ZFP2: variants seen among roughly 807,000 people sequenced by gnomAD.
ZFP2 encodes the protein ZFP2 zinc finger protein, also known as zinc finger protein ZFP2.
In ZFP2, 33 loss-of-function variants were observed where a neutral mutation model predicts 36.1. The observed-to-expected ratio is 0.92, with a 90% CI of 0.69 to 1.22. ZFP2 has a LOEUF of 1.22. Ranked by LOEUF, ZFP2 falls within the 50% of genes most tolerant of loss-of-function variation. The probability of loss-of-function intolerance (pLI) is 0.00; values close to 1 mark genes in which losing one functional copy is unlikely to be tolerated. For missense variants in ZFP2, 522 were observed against 551.4 expected (o/e 0.95, Z 0.53); for synonymous variants, 170 against 178.0 (o/e 0.96, Z 0.36).
chr5:178,928,699 A>G (rs1758749509), intron 4 of ZFP2, among the ~76,000 whole-genome samples: 2 of 152,266 alleles, frequency 1.3e-5, no homozygotes, highest in South Asian at 4.1e-4. Flanking sequence ...TGGCTTTTCC[A>G]CATGCAGGGT....
intron 1 of ZFP2, chr5:178,910,413 G>T (rs1187391987): frequency 1.2e-6 from 1 of 833,490 alleles, no homozygotes; most frequent in Non-Finnish European, 2.1e-6. Flanking sequence ...TGAGGATGTT[G>T]GCAGCTGGCA....
chr5:178,932,792 G>C lies in ZFP2; in HGVS notation c.*93G>C. 1.4e-6 allele frequency: 2 copies of C among 1,443,506 alleles called. No homozygotes were observed. The highest frequency in any genetic ancestry group is 1.8e-6 in the Non-Finnish European group (2 of 1,082,586). The allele number at this position is 1,443,506 out of a possible 1,614,324, so 89.4% of individuals were successfully genotyped here. A position where few individuals can be genotyped will look rare whatever the true frequency, so the allele number is the denominator to read the frequency against. On this transcript the variant is annotated 3_prime_UTR_variant, in exon 5 of 5. Transcript: ENST00000361362. ...TAGAAACCTAATAAATGTAATGATT[G>C]TGGGAATCTTTCAGTTGAAGTACAA...
Position 178,932,127 on chromosome 5 carries a change from T to C in ZFP2, c.814T>C (p.Cys272Arg). The part of the protein sequence containing the change: ...RSHTGEKPYE[C>R]SQCGKAFSKS... ...CCATACTGGAGAAAAACCCTATGAG[T>C]GTAGTCAATGTGGAAAAGCCTTTAG... Residue 272 changes from cysteine (C) to arginine (R), a missense_variant, in exon 5 of 5, where the codon TGT (cysteine) becomes CGT (arginine). By Grantham distance (180) the Cys-to-Arg change is radical. Coordinates refer to ENST00000361362, the MANE Select transcript of ZFP2 (RefSeq NM_030613.4). 1 of 1,612,712 alleles carries C rather than the reference T, an allele frequency of 6.2e-7. No homozygotes were observed. Among genetic ancestry groups the C allele is most frequent in the Non-Finnish European group, 8.5e-7 (1 of 1,179,020 alleles).
chr5:178,930,165 A>G (rs550736899), intron 4 of ZFP2, among the ~76,000 whole-genome samples: 12 of 151,770 alleles, frequency 7.9e-5, no homozygotes, highest in African/African-American at 2.9e-4. Flanking sequence ...ATAAGGCCCC[A>G]CCTCCAACAC....
At chr5:178,910,243 G>C in intron 1 of ZFP2, 1 of 1,574,718 alleles carries the variant, frequency 6.4e-7, no homozygotes, top group Non-Finnish European at 8.7e-7. Context: ...AGCAGCACTC[G>C]GAATTCTGTG....
At position 178,931,498 on chromosome 5, in the gene ZFP2, A is replaced by C. The variant is rs1210273509; in HGVS notation, c.185A>C (p.Asp62Ala). 1.2e-6 allele frequency: 2 copies of C among 1,614,106 alleles called. No homozygotes were observed. Among genetic ancestry groups the C allele is most frequent in the Admixed American group, 3.3e-5 (2 of 60,016 alleles). Reference protein sequence around the residue: ...ERCSSQDSILDTQQSIPMVKR... With the variant: ...ERCSSQDSILATQQSIPMVKR... The stretch of plus-strand genomic sequence containing the variant: ...TGTTCCAGTCAGGATTCAATCCTTG[A>C]TACACAGCAAAGCATTCCTATGGTA... The change falls in exon 5 of 5, where the codon GAT (aspartate) becomes GCT (alanine). Residue 62 changes from aspartate (D) to alanine (A), a missense_variant. Asp to Ala is a moderately radical substitution (Grantham distance 126, BLOSUM62 -2). Coordinates refer to ENST00000361362, the MANE Select transcript of ZFP2 (RefSeq NM_030613.4).
Position 178,932,642 on chromosome 5 carries a change from C to T in ZFP2, c.1329C>T (p.Cys443=), listed in dbSNP as rs77723700. 1.8e-3 allele frequency: 2,938 copies of T among 1,612,702 alleles called. 44 individuals are homozygous for T. The African/African-American group carries it at 0.034, about 19-fold the overall frequency. Residue 443 remains cysteine, a synonymous_variant, in exon 5 of 5, where the codon TGC becomes TGT. Coordinates refer to ENST00000361362, the MANE Select transcript of ZFP2 (RefSeq NM_030613.4). ...TGEKPYQCNE[C]GKAFSRSTNL... ...AGAAACCCTATCAGTGTAATGAATG[C>T]GGAAAAGCCTTCAGCCGGAGTACAA...
intron 1 of ZFP2, among the ~76,000 whole-genome samples, chr5:178,897,748 A>G (rs937230151): frequency 1.3e-5 from 2 of 152,188 alleles, no homozygotes; most frequent in African/African-American, 4.8e-5. Context: ...CGGCTATAAC[A>G]TCCATGATTG....
chr5:178,909,945 T>G, intron 1 of ZFP2: 1 of 1,427,464 alleles, frequency 7.0e-7, no homozygotes, highest in Non-Finnish European at 9.9e-7. Context: ...TGTTAGGAAG[T>G]TCAGCCATTG....
At chr5:178,909,759 C>G (rs901953444) in intron 1 of ZFP2, 2 of 1,569,674 alleles carry the variant, frequency 1.3e-6, no homozygotes, top group African/African-American at 2.7e-5. Context: ...GAGTGCACCT[C>G]TCCCTTCCTC....
intron 4 of ZFP2, 73 bp from the exon 5 acceptor site, chr5:178,931,164 A>C (rs1441168986): frequency 2.8e-6 from 4 of 1,406,180 alleles, no homozygotes; most frequent in Non-Finnish European, 3.7e-6. Context: ...TAATTCTCTC[A>C]TTCCTACCTT....
At chr5:178,902,173 C>G (rs1054632878) in intron 1 of ZFP2, among the ~76,000 whole-genome samples, 7 of 152,122 alleles carry the variant, frequency 4.6e-5, no homozygotes, top group Non-Finnish European at 7.4e-5. Flanking sequence ...TAGTCTTCAT[C>G]TAAATTAACA....
chr5:178,911,456 G>A (rs1399793663), intron 1 of ZFP2, among the ~76,000 whole-genome samples: 1 of 152,132 alleles, frequency 6.6e-6, no homozygotes, highest in African/African-American at 2.4e-5. Flanking sequence ...CCCTGAGACA[G>A]CAAGACCAAC....
At chr5:178,896,680 C>T (rs989067360) in intron 1 of ZFP2, among the ~76,000 whole-genome samples, 1 of 152,324 alleles carries the variant, frequency 6.6e-6, no homozygotes, top group African/African-American at 2.4e-5. Context: ...CATTCAAAAT[C>T]TATCTCCATC....
At position 178,931,467 on chromosome 5, in the gene ZFP2, G is replaced by C; in HGVS notation, c.154G>C (p.Glu52Gln). 3.7e-6 allele frequency: 6 copies of C among 1,614,158 alleles called. No individual in the cohort carries two copies. The highest frequency in any genetic ancestry group is 5.1e-6 in the Non-Finnish European group (6 of 1,180,024). ...GAGAGTATGTGGAGGTAATGAATTTGAAAGATGTTCCAGTCAGGATTCAAT... is the reference window on the plus strand; with the variant it reads ...GAGAGTATGTGGAGGTAATGAATTTCAAAGATGTTCCAGTCAGGATTCAAT... ...EMRVCGGNEF[E>Q]RCSSQDSILD... Residue 52 changes from glutamate (E) to glutamine (Q), a missense_variant, in exon 5 of 5, where the codon GAA becomes CAA. Physicochemically the swap from Glu to Gln is conservative, Grantham distance 29. Coordinates refer to ENST00000361362, the MANE Select transcript of ZFP2 (RefSeq NM_030613.4).
chr5:178,928,061 C>T (rs529889916), intron 4 of ZFP2, among the ~76,000 whole-genome samples: 27 of 151,806 alleles, frequency 1.8e-4, no homozygotes, highest in African/African-American at 5.6e-4. Flanking sequence ...TGAGAACTCA[C>T]TCATGATAGG....
At chr5:178,917,360 A>G (rs1336742635) in intron 4 of ZFP2, among the ~76,000 whole-genome samples, 1 of 152,132 alleles carries the variant, frequency 6.6e-6, no homozygotes, top group Non-Finnish European at 1.5e-5. Flanking sequence ...CACACCTGTA[A>G]TCCCAGCATT....
intron 1 of ZFP2, among the ~76,000 whole-genome samples, chr5:178,897,878 A>G (rs962079917): frequency 6.6e-6 from 1 of 152,146 alleles, no homozygotes; most frequent in African/African-American, 2.4e-5. Context: ...TTGTGTTCCA[A>G]TTCTTGTAGC....
rs1293510524 is a variant in ZFP2, at chr5:178,932,218, A to G, written c.905A>G (p.Lys302Arg). Residue 302 changes from lysine (K) to arginine (R), a missense_variant, in exon 5 of 5, where the codon AAA becomes AGA. Transcript: ENST00000361362. ...GGAGAAAAACCTTACAAATGTAACA[A>G]ATGCGGGAAATCCTTTAGCCAAAGT... ...HTGEKPYKCNKCGKSFSQSTY... is the reference protein window; with the variant it reads ...HTGEKPYKCNRCGKSFSQSTY... The G allele has an allele frequency of 1.9e-6, 3 of 1,614,074 alleles. No individual in the cohort carries two copies. In the African/African-American group the frequency reaches 4.0e-5, roughly 22 times the overall value.
Sources: allele counts gnomAD v4.1 joint callset (sites outside exome capture counted in the v4.1 genomes callset), GRCh38; gene constraint gnomAD v4.1.1; transcripts MANE v1.5; gene names NCBI Gene and HGNC (gene_info 2026-07-23, HGNC 2026-07-21).